The following SLC24A3 variants were observed in gnomAD, a reference collection of about 807,000 sequenced individuals.
SLC24A3 encodes solute carrier family 24 member 3.
In SLC24A3, 28 loss-of-function variants were observed where a neutral mutation model predicts 75.8. That is an observed-to-expected ratio of 0.37 (90% CI 0.27 to 0.51). The LOEUF (loss-of-function observed/expected upper bound fraction) is 0.51. Ranked by LOEUF, SLC24A3 falls within the 20% of genes least tolerant of loss-of-function variation. The pLI is 0.94. For synonymous variants in SLC24A3, 372 were observed against 334.1 expected (o/e 1.11, Z -1.24); for missense variants, 663 against 847.8 (o/e 0.78, Z 2.71).
intron 2 of SLC24A3, among the ~76,000 whole-genome samples, chr20:19,339,966 C>G (rs1600437530): frequency 6.6e-6 from 1 of 152,074 alleles, no homozygotes; most frequent in Non-Finnish European, 1.5e-5. Flanking sequence ...TAACCAGGAC[C>G]CTGCACCTTG....
At chr20:19,425,790 A>C (rs550110400) in intron 2 of SLC24A3, among the ~76,000 whole-genome samples, 1 of 152,264 alleles carries the variant, frequency 6.6e-6, no homozygotes, top group East Asian at 1.9e-4. Flanking sequence ...TTTTTTATTC[A>C]ATGCATTATA....
At chr20:19,569,924 G>A (rs1311362735) in intron 3 of SLC24A3, among the ~76,000 whole-genome samples, 2 of 152,196 alleles carry the variant, frequency 1.3e-5, no homozygotes, top group African/African-American at 2.4e-5. Context: ...TTAGAAAAGA[G>A]TTCTCTTTGG....
intron 4 of SLC24A3, 62 bp downstream of exon 4, chr20:19,580,136 C>G (rs2031199172): frequency 3.5e-6 from 5 of 1,424,050 alleles, no homozygotes; most frequent in African/African-American, 2.8e-5. Context: ...GTGCCCTGTA[C>G]TGTTCCAGCC....
chr20:19,243,589 T>A (rs1982396253), intron 1 of SLC24A3, among the ~76,000 whole-genome samples: 1 of 152,348 alleles, frequency 6.6e-6, no homozygotes, highest in East Asian at 1.9e-4. Context: ...CATGGCAGAA[T>A]TGAACTTGCA....
intron 2 of SLC24A3, among the ~76,000 whole-genome samples, chr20:19,440,871 A>G (rs1259951522): frequency 1.3e-5 from 2 of 152,096 alleles, no homozygotes; most frequent in African/African-American, 4.8e-5. Flanking sequence ...CACTGGGCCG[A>G]CAGCAGCCTC....
intron 2 of SLC24A3, among the ~76,000 whole-genome samples, chr20:19,344,384 A>G (rs1018541285): frequency 7.9e-5 from 12 of 152,214 alleles, no homozygotes; most frequent in Admixed American, 7.9e-4. Context: ...GTGAAACCAT[A>G]ACTACATATG....
chr20:19,702,920 T>G (rs780442596), intron 15 of SLC24A3, among the ~76,000 whole-genome samples: 1 of 152,212 alleles, frequency 6.6e-6, no homozygotes, highest in Non-Finnish European at 1.5e-5. Flanking sequence ...TAGGAACTAC[T>G]AGGAAGCCAT....
chr20:19,445,865 A>C (rs77316687), intron 2 of SLC24A3, among the ~76,000 whole-genome samples: 2,708 of 152,330 alleles, frequency 0.018, 74 homozygotes, highest in East Asian at 0.1. Context: ...TCTTATTAAA[A>C]ATTCCTTTTC....
chr20:19,311,746 A>G (rs891252181), intron 2 of SLC24A3, among the ~76,000 whole-genome samples: 1 of 152,102 alleles, frequency 6.6e-6, no homozygotes, highest in Non-Finnish European at 1.5e-5. Flanking sequence ...TAACAACAGT[A>G]TGCAGCTCTC....
intron 2 of SLC24A3, among the ~76,000 whole-genome samples, chr20:19,325,682 G>GT (rs202084063): frequency 0.011 from 1,593 of 144,972 alleles, 15 homozygotes; most frequent in South Asian, 0.016. Flanking sequence ...AGATTTTTTT[G>GT]TTTTTTTGTT....
chr20:19,274,176 G>A (rs1003488372), intron 1 of SLC24A3, among the ~76,000 whole-genome samples: 3 of 151,596 alleles, frequency 2.0e-5, no homozygotes, highest in Non-Finnish European at 4.4e-5. Flanking sequence ...CAGTGTAAGA[G>A]TTGATGCCTG....
chr20:19,292,772 T>C (rs1983972385), intron 2 of SLC24A3, among the ~76,000 whole-genome samples: 1 of 152,206 alleles, frequency 6.6e-6, no homozygotes, highest in African/African-American at 2.4e-5. Context: ...ATAGACTGAA[T>C]GTCGTCTAAA....
chr20:19,464,825 G>GTAC (rs1987737594), intron 2 of SLC24A3, among the ~76,000 whole-genome samples: 1 of 152,192 alleles, frequency 6.6e-6, no homozygotes, highest in Non-Finnish European at 1.5e-5. Flanking sequence ...TTACCCCAGA[G>GTAC]TACGATCATG....
chr20:19,378,550 G>T (rs1986126074), intron 2 of SLC24A3, among the ~76,000 whole-genome samples: 1 of 152,152 alleles, frequency 6.6e-6, no homozygotes, highest in Admixed American at 6.5e-5. Context: ...ATTCAGTTTT[G>T]AATTTGGGGC....
intron 6 of SLC24A3, among the ~76,000 whole-genome samples, chr20:19,634,436 C>T (rs2031975005): frequency 6.6e-6 from 1 of 152,102 alleles, no homozygotes; most frequent in African/African-American, 2.4e-5. Flanking sequence ...ATCCAAAGCA[C>T]TCCTACAGTG....
intron 2 of SLC24A3, among the ~76,000 whole-genome samples, chr20:19,394,049 C>A (rs930928329): frequency 1.3e-5 from 2 of 152,104 alleles, no homozygotes; most frequent in African/African-American, 4.8e-5. Context: ...CATATATTAA[C>A]CCTCACATAT....
chr20:19,464,304 C>T (rs1987728486), intron 2 of SLC24A3, among the ~76,000 whole-genome samples: 1 of 152,368 alleles, frequency 6.6e-6, no homozygotes, highest in South Asian at 2.1e-4. Context: ...GTGACTGCCC[C>T]TCAGGACTCC....
intron 2 of SLC24A3, among the ~76,000 whole-genome samples, chr20:19,312,071 C>T (rs1239758203): frequency 1.3e-5 from 2 of 152,174 alleles, no homozygotes; most frequent in African/African-American, 4.8e-5. Flanking sequence ...TAGATCACTG[C>T]CCGGATGGAA....
Position 19,248,125 on chromosome 20 carries a change from A to C in SLC24A3, c.143-32834A>C, listed in dbSNP as rs117470900. On this transcript the variant is annotated intron_variant, in intron 1 of 16. Coordinates refer to ENST00000328041, the MANE Select transcript of SLC24A3 (RefSeq NM_020689.4). ...GCATGACATAGTCCCAAAAATAGAA[A>C]AAAACAAAACAAAACAAAACAAGGT... is the stretch of plus-strand genomic sequence containing the variant. Among the ~76,000 whole-genome samples the C allele has an allele frequency of 8.1e-3, 1,229 of 152,326 alleles. 9 individuals are homozygous for C. Among genetic ancestry groups the C allele is most frequent in the Non-Finnish European group, 9.5e-3 (647 of 68,030 alleles).
Sources: gnomAD v4.1 joint callset for allele counts (sites outside exome capture counted in the v4.1 genomes callset) on GRCh38, gnomAD v4.1.1 for gene constraint, MANE v1.5 for transcripts, NCBI Gene and HGNC (gene_info 2026-07-23, HGNC 2026-07-21) for gene names.